Variants in CUL9 observed in about 807,000 individuals in gnomAD.
CUL9 encodes the protein cullin-9.
Under a neutral mutation model 272.6 loss-of-function variants are expected in CUL9, and 79 were observed. The observed-to-expected ratio is 0.29, with a 90% CI of 0.24 to 0.35. The LOEUF (loss-of-function observed/expected upper bound fraction) is 0.35. Ranked by LOEUF, CUL9 falls within the 10% of genes least tolerant of loss-of-function variation. The pLI is 1.00. For synonymous variants in CUL9, 1,186 were observed against 1,286.5 expected, an observed-to-expected ratio of 0.92 and a Z score of 1.67; for missense variants, 2,532 against 3,255.6, an observed-to-expected ratio of 0.78 and a Z score of 5.41.
Position 43,216,405 on chromosome 6 carries a change from G to C in CUL9, c.6184G>C (p.Ala2062Pro). 1 of 1,614,044 alleles carries C rather than the reference G, an allele frequency of 6.2e-7. No individual in the cohort carries two copies. Among genetic ancestry groups the C allele is most frequent in the Non-Finnish European group, 8.5e-7 (1 of 1,180,006 alleles). ...TGGGCTGTGCGTACACCAGGCTCAG[G>C]CTGTACCCGTACGGCCTGACCACTG... Reference protein sequence around the residue: ...AAGLCVHQAQAVPVRPDHCPV... With the variant: ...AAGLCVHQAQPVPVRPDHCPV... Residue 2062 changes from alanine (A) to proline (P), a missense_variant, in exon 31 of 41, where the codon GCT (alanine) becomes CCT (proline). Physicochemically the swap from Ala to Pro is conservative, Grantham distance 27 (BLOSUM62 -1). Transcript: ENST00000252050.
Position 43,204,762 on chromosome 6 carries a change from A to G in CUL9, c.4354A>G (p.Lys1452Glu). The G allele has an allele frequency of 6.2e-7, 1 of 1,614,202 alleles. No individual in the cohort carries two copies. ...TGTCTCTACAGTCAGCAAGAACAGC[A>G]AGGGTCGGGACCGGAGCCCGGCGCC... ...PSTRPFSKNS[K>E]GRDRSPAPSP... Residue 1452 changes from lysine (K) to glutamate (E), a missense_variant, in exon 22 of 41, where the codon AAG (lysine) becomes GAG (glutamate). Lys to Glu is a moderately conservative substitution (Grantham distance 56). This residue lies in a region of CUL9 where 2,218 missense variants were observed against 2,788.6 expected (regional missense o/e 0.80). Transcript: ENST00000252050.
chr6:43,213,697 C>G lies in CUL9; in HGVS notation c.5489-16C>G. The G allele has an allele frequency of 6.2e-7, 1 of 1,610,770 alleles. No individual in the cohort carries two copies. The highest frequency in any genetic ancestry group is 1.1e-5 in the South Asian group (1 of 90,974). ...CCCTCTGCCTCCTCTGGTACCTGAC[C>G]GGGAGCGGGTTCCAGGTGTGCTGCG... On this transcript the variant is annotated splice_polypyrimidine_tract_variant and intron_variant, in intron 28 of 40. Transcript: ENST00000252050. The surrounding 1 kb of genome is among the most constrained non-coding windows in gnomAD (Gnocchi z 5.7).
In CUL9 at chr6:43,224,562, G is replaced by A; in HGVS notation, c.*117G>A. The stretch of plus-strand genomic sequence containing the variant: ...GCGTCTGTAGTGCTTCCTGTTTGCT[G>A]AATAAAGGTCTCTTTCTCACACACA... On this transcript the variant is annotated 3_prime_UTR_variant, in exon 41 of 41. Coordinates refer to ENST00000252050, the MANE Select transcript of CUL9 (RefSeq NM_015089.4). The surrounding 1 kb of genome is among the most constrained non-coding windows in gnomAD (Gnocchi z 4.2). 1.0e-6 allele frequency: 1 copy of A among 974,704 alleles called. No individual in the cohort carries two copies. The highest frequency in any genetic ancestry group is 3.3e-4 in the Middle Eastern group (1 of 2,986). 60.4% of individuals were successfully genotyped at this position (974,704 alleles called of 1,614,324 possible). A position where few individuals can be genotyped will look rare whatever the true frequency, so the allele number is the denominator to read the frequency against.
Position 43,184,287 on chromosome 6 carries a change from C to T in CUL9, c.-9-15C>T. 2 of 1,440,428 alleles carry T rather than the reference C, an allele frequency of 1.4e-6. No individual in the cohort carries two copies. The highest frequency in any genetic ancestry group is 1.8e-6 in the Non-Finnish European group (2 of 1,089,498). The allele number at this position is 1,440,428 out of a possible 1,614,324, so 89.2% of individuals were successfully genotyped here. On this transcript the variant is annotated splice_polypyrimidine_tract_variant and intron_variant, in intron 1 of 40. Coordinates refer to ENST00000252050, the MANE Select transcript of CUL9 (RefSeq NM_015089.4). This position sits in a 1 kb window ranked among gnomAD's most constrained non-coding sequence, Gnocchi z 4.8. ...TTTTCTCATACTGCCTTATCTTTCT[C>T]CTTGTGTATCCCAGGAGGTCAGGAT...
In CUL9 at chr6:43,184,351, TA is replaced by T; in HGVS notation, c.42del (p.Pro16LeufsTer24). On this transcript the variant is annotated frameshift_variant, in exon 2 of 41. Transcript: ENST00000252050. LOFTEE classifies it high-confidence loss of function. This position sits in a 1 kb window ranked among gnomAD's most constrained non-coding sequence, Gnocchi z 4.8. ...ERHAGDLMVP[L>X]GPRLQAYPEE... is the part of the protein sequence containing the mutation. ...CATGCTGGGGACCTCATGGTGCCCT[TA>T]GGGCCTCGGCTGCAGGCATATCCTG... 1 of 1,580,424 alleles carries T rather than the reference TA, an allele frequency of 6.3e-7. No homozygotes were observed. Among genetic ancestry groups the T allele is most frequent in the Non-Finnish European group, 8.6e-7 (1 of 1,159,520 alleles).
chr6:43,216,140 C>T lies in CUL9; in HGVS notation c.5937-18C>T. On this transcript the variant is annotated intron_variant, in intron 30 of 40. Transcript: ENST00000252050. ...GCAGGGCAGGAATACTGACTTCTGT[C>T]TCTTCCCTCCCCACAAGCCCAGAAG... is the stretch of plus-strand genomic sequence containing the variant. 6.3e-7 allele frequency: 1 copy of T among 1,592,514 alleles called. No homozygotes were observed. Among genetic ancestry groups the T allele is most frequent in the Middle Eastern group, 1.7e-4 (1 of 5,990 alleles).
chr6:43,210,010 C>T (rs534549386), intron 26 of CUL9, among the ~76,000 whole-genome samples: 27 of 151,892 alleles, frequency 1.8e-4, no homozygotes, highest in Non-Finnish European at 3.7e-4. Flanking sequence ...TGGAGGCTTG[C>T]TCTGTTGCCC....
At chr6:43,189,475 C>T (rs370443505) in intron 8 of CUL9, among the ~76,000 whole-genome samples, 2 of 152,076 alleles carry the variant, frequency 1.3e-5, no homozygotes, top group East Asian at 1.9e-4. Context: ...TGAGCCACCG[C>T]GTCCAGCCCT....
In CUL9 at chr6:43,221,823, G is replaced by T. The variant is rs766989104; in HGVS notation, c.6846+45G>T. 1 of 1,542,276 alleles carries T rather than the reference G, an allele frequency of 6.5e-7. No homozygotes were observed. The highest frequency in any genetic ancestry group is 1.1e-5 in the South Asian group (1 of 88,780). ...GGGAGGGCAGAGGCCCAGAGCCGTC[G>T]GGGAGGGGTGCTGCTACCAGGTCCT... On this transcript the variant is annotated intron_variant, in intron 35 of 40. Coordinates refer to ENST00000252050, the MANE Select transcript of CUL9 (RefSeq NM_015089.4). This position sits in a 1 kb window ranked among gnomAD's most constrained non-coding sequence, Gnocchi z 4.2.
intron 9 of CUL9, among the ~76,000 whole-genome samples, chr6:43,193,412 T>G (rs917646021): frequency 6.6e-6 from 1 of 152,164 alleles, no homozygotes; most frequent in Non-Finnish European, 1.5e-5. Flanking sequence ...GGGGTTATTT[T>G]TGTTGGAGAC....
rs1345130704 is a variant in CUL9 at position 43,204,778 on chromosome 6, G to A, written c.4370G>A (p.Ser1457Asn). Residue 1457 changes from serine to asparagine, a missense_variant, in exon 22 of 41, where the codon AGC (serine) becomes AAC (asparagine). Ser to Asn is a conservative substitution (Grantham distance 46). Transcript: ENST00000252050. ...FSKNSKGRDR[S>N]PAPSPVLPSS... is the part of the protein sequence containing the mutation. ...AAGAACAGCAAGGGTCGGGACCGGA[G>A]CCCGGCGCCTTCGCCAGTGCTTCCA... is the stretch of plus-strand genomic sequence containing the variant. The A allele has an allele frequency of 6.2e-7, 1 of 1,614,088 alleles. No homozygotes were observed. The highest frequency in any genetic ancestry group is 1.3e-5 in the African/African-American group (1 of 74,930).
chr6:43,204,883 C>T, intron 22 of CUL9, 26 bp downstream of exon 22: 3 of 1,613,472 alleles, frequency 1.9e-6, no homozygotes, highest in Non-Finnish European at 2.5e-6. Context: ...CAGAAGTCTG[C>T]AGAGGGGAGG....
chr6:43,191,300 T>TGTGTGTTG (rs1562020004), intron 8 of CUL9, among the ~76,000 whole-genome samples: 5 of 122,984 alleles, frequency 4.1e-5, no homozygotes, highest in African/African-American at 1.6e-4. Context: ...GTGCGTGTTG[T>TGTGTGTTG]TTTTTTTTTT....
At chr6:43,205,182 C>G in intron 23 of CUL9, 67 bp downstream of exon 23, 1 of 1,584,660 alleles carries the variant, frequency 6.3e-7, no homozygotes, top group Non-Finnish European at 8.6e-7. Flanking sequence ...TCTGCTCTGC[C>G]CTTTCACCTC....
At position 43,184,251 on chromosome 6, in the gene CUL9, T is replaced by C; in HGVS notation, c.-9-51T>C. 7.7e-7 allele frequency: 1 copy of C among 1,302,962 alleles called. No individual in the cohort carries two copies. The highest frequency in any genetic ancestry group is 1.9e-5 in the South Asian group (1 of 51,672). 80.7% of individuals were successfully genotyped at this position (1,302,962 alleles called of 1,614,324 possible). A position where few individuals can be genotyped will look rare whatever the true frequency, so the allele number is the denominator to read the frequency against. Reference sequence around the variant, plus strand: ...GTCTCAAGATTCCACCCCCTCCATGTATTTTTTTTCTTTTCTCATACTGCC... The same window carrying C: ...GTCTCAAGATTCCACCCCCTCCATGCATTTTTTTTCTTTTCTCATACTGCC... On this transcript the variant is annotated intron_variant, in intron 1 of 40. Transcript: ENST00000252050. This position sits in a 1 kb window ranked among gnomAD's most constrained non-coding sequence, Gnocchi z 4.8.
chr6:43,203,296 A>G lies in CUL9; in HGVS notation c.3849+92A>G. 6.3e-7 allele frequency: 1 copy of G among 1,592,782 alleles called. No individual in the cohort carries two copies. Among genetic ancestry groups the G allele is most frequent in the East Asian group, 2.2e-5 (1 of 44,738 alleles). On this transcript the variant is annotated intron_variant, in intron 18 of 40. Transcript: ENST00000252050. This position sits in a 1 kb window ranked among gnomAD's most constrained non-coding sequence, Gnocchi z 5.0. ...TTGGGAGATGGCCCAGGACCTGTTG[A>G]GTCCCAGAGATGTGGGGATGTCCTG...
rs541478451 is a variant in CUL9 at position 43,184,352 on chromosome 6, A to G, written c.42A>G (p.Leu14=). 6.3e-7 allele frequency: 1 copy of G among 1,580,548 alleles called. No individual in the cohort carries two copies. Among genetic ancestry groups the G allele is most frequent in the South Asian group, 1.2e-5 (1 of 86,372 alleles). ...ERHAGDLMVP[L]GPRLQAYPEE... Reference sequence around the variant, plus strand: ...ATGCTGGGGACCTCATGGTGCCCTTAGGGCCTCGGCTGCAGGCATATCCTG... The same window carrying G: ...ATGCTGGGGACCTCATGGTGCCCTTGGGGCCTCGGCTGCAGGCATATCCTG... Residue 14 remains leucine (L), a synonymous_variant, in exon 2 of 41, where the codon TTA becomes TTG. Transcript: ENST00000252050. This position sits in a 1 kb window ranked among gnomAD's most constrained non-coding sequence, Gnocchi z 4.8.
intron 3 of CUL9, 133 bp from the exon 4 acceptor site, chr6:43,185,822 A>G (rs1772856301): frequency 7.7e-7 from 1 of 1,303,232 alleles, no homozygotes; most frequent in Non-Finnish European, 1.0e-6. Flanking sequence ...CCTTTCTTAC[A>G]CAAATCAAAG....
Position 43,220,983 on chromosome 6 carries a change from G to C in CUL9, c.6588+72G>C. 1 of 1,491,076 alleles carries C rather than the reference G, an allele frequency of 6.7e-7. No homozygotes were observed. The highest frequency in any genetic ancestry group is 9.0e-7 in the Non-Finnish European group (1 of 1,112,366). The allele number at this position is 1,491,076 out of a possible 1,614,324, so 92.4% of individuals were successfully genotyped here. A position where few individuals can be genotyped will look rare whatever the true frequency, so the allele number is the denominator to read the frequency against. On this transcript the variant is annotated intron_variant, in intron 33 of 40. Transcript: ENST00000252050. The surrounding 1 kb of genome is among the most constrained non-coding windows in gnomAD (Gnocchi z 4.9). ...CTTCCCTGCTTAATATCCCCACCCC[G>C]CCACACACACAGACTGTGACTTGTC...
Sources: allele counts gnomAD v4.1 joint callset (sites outside exome capture counted in the v4.1 genomes callset), GRCh38; gene constraint gnomAD v4.1.1; regional missense constraint gnomAD v4.1.1; non-coding constraint Gnocchi (gnomAD v3.1); transcripts MANE v1.5; gene names NCBI Gene and HGNC (gene_info 2026-07-23, HGNC 2026-07-21).